FSTL4: variants seen among roughly 807,000 people sequenced by gnomAD.
FSTL4 encodes follistatin like 4.
In FSTL4, 28 loss-of-function variants were observed where a neutral mutation model predicts 78.2. That is an observed-to-expected ratio of 0.36 (90% CI 0.27 to 0.49). The LOEUF (loss-of-function observed/expected upper bound fraction) is 0.49, where lower values mean the gene tolerates loss of function less well. FSTL4 is among the 20% of genes least tolerant of loss of function. The pLI, the probability that FSTL4 is intolerant of heterozygous loss-of-function variation, is 0.98. For missense variants in FSTL4, 922 were observed against 1,084.9 expected (o/e 0.85, Z 2.11); for synonymous variants, 422 against 440.5 (o/e 0.96, Z 0.53).
At chr5:133,513,365 G>T (rs1479144841) in intron 3 of FSTL4, among the ~76,000 whole-genome samples, 1 of 152,314 alleles carries the variant, frequency 6.6e-6, no homozygotes, top group East Asian at 1.9e-4. Context: ...TGGTCACAGA[G>T]AAGAATGGTT....
intron 6 of FSTL4, among the ~76,000 whole-genome samples, chr5:133,255,716 C>T (rs1752365094): frequency 1.3e-5 from 2 of 152,206 alleles, no homozygotes; most frequent in African/African-American, 4.8e-5. Context: ...CACCTTTCTC[C>T]CTGAGTCTTG....
chr5:133,681,222 A>C, the FSTL4 span, among the ~76,000 whole-genome samples: 32 of 152,380 alleles, frequency 2.1e-4, no homozygotes, highest in East Asian at 5.6e-3. Flanking sequence ...GACCCCGGGC[A>C]GTCCTTGGCA....
chr5:133,389,832 T>C (rs956575575), intron 4 of FSTL4, among the ~76,000 whole-genome samples: 2 of 152,222 alleles, frequency 1.3e-5, no homozygotes, highest in African/African-American at 4.8e-5. Flanking sequence ...CTTGGGTTTA[T>C]TATATTTTGA....
chr5:133,685,562 C>T, the FSTL4 span, among the ~76,000 whole-genome samples: 7 of 152,322 alleles, frequency 4.6e-5, no homozygotes, highest in South Asian at 6.2e-4. Flanking sequence ...GAGGGATGCT[C>T]ACCCCTGTGG....
At chr5:133,354,987 T>C (rs2126929542) in intron 4 of FSTL4, among the ~76,000 whole-genome samples, 1 of 152,366 alleles carries the variant, frequency 6.6e-6, no homozygotes, top group East Asian at 1.9e-4. Flanking sequence ...TAATTGAGTC[T>C]AGGAAGCCCT....
the FSTL4 span, among the ~76,000 whole-genome samples, chr5:133,757,776 T>C: frequency 6.6e-6 from 1 of 152,202 alleles, no homozygotes; most frequent in East Asian, 1.9e-4. Context: ...ATCATTTGCA[T>C]GATTTCCACA....
At chr5:133,589,830 T>C (rs1210478043) in intron 2 of FSTL4, among the ~76,000 whole-genome samples, 1 of 152,194 alleles carries the variant, frequency 6.6e-6, no homozygotes, top group Non-Finnish European at 1.5e-5. Context: ...ACATGCTAGA[T>C]AGTCAGAAAG....
At chr5:133,808,054 A>AT in the FSTL4 span, among the ~76,000 whole-genome samples, 1 of 152,214 alleles carries the variant, frequency 6.6e-6, no homozygotes, top group African/African-American at 2.4e-5. Context: ...ACGACCTGCA[A>AT]TAGATCCTTG....
the FSTL4 span, among the ~76,000 whole-genome samples, chr5:133,718,321 C>T: frequency 8.5e-5 from 13 of 152,194 alleles, no homozygotes; most frequent in East Asian, 2.5e-3. Flanking sequence ...TCTCGTGATC[C>T]GCCTGCCTCG....
At chr5:133,335,209 G>A (rs1754436293) in intron 4 of FSTL4, among the ~76,000 whole-genome samples, 1 of 152,162 alleles carries the variant, frequency 6.6e-6, no homozygotes, top group Non-Finnish European at 1.5e-5. Context: ...GGTTTGTCAT[G>A]GGCCCTGACA....
At chr5:133,324,292 A>G (rs1754149577) in intron 4 of FSTL4, among the ~76,000 whole-genome samples, 1 of 152,178 alleles carries the variant, frequency 6.6e-6, no homozygotes. Flanking sequence ...CAATGTGGAA[A>G]GTGCTACACA....
At chr5:133,645,319 T>A in the FSTL4 span, among the ~76,000 whole-genome samples, 1 of 152,018 alleles carries the variant, frequency 6.6e-6, no homozygotes, top group South Asian at 2.1e-4. Flanking sequence ...CCCCAAGAGG[T>A]GTGCATGGTT....
chr5:133,408,933 T>C (rs1239179068), intron 3 of FSTL4, among the ~76,000 whole-genome samples: 3 of 152,214 alleles, frequency 2.0e-5, no homozygotes, highest in Non-Finnish European at 4.4e-5. Context: ...TTGGTTTTAC[T>C]GATTCAAGTG....
intron 4 of FSTL4, among the ~76,000 whole-genome samples, chr5:133,373,659 C>T (rs1308507084): frequency 1.3e-5 from 2 of 152,250 alleles, no homozygotes; most frequent in Non-Finnish European, 2.9e-5. Context: ...TGGGGCAGAC[C>T]CCACCAAACC....
chr5:133,829,764 A>C, the FSTL4 span, among the ~76,000 whole-genome samples: 1 of 152,168 alleles, frequency 6.6e-6, no homozygotes, highest in South Asian at 2.1e-4. Context: ...CAAAGAGGCT[A>C]TTTCTAGAGC....
the FSTL4 span, among the ~76,000 whole-genome samples, chr5:133,697,572 C>T: frequency 6.6e-6 from 1 of 152,200 alleles, no homozygotes; most frequent in Non-Finnish European, 1.5e-5. Flanking sequence ...AAACTGAAGC[C>T]CCACTTGCTA....
chr5:133,669,026 T>C, the FSTL4 span, among the ~76,000 whole-genome samples: 1 of 152,240 alleles, frequency 6.6e-6, no homozygotes, highest in South Asian at 2.1e-4. Context: ...GCAAATTTGC[T>C]ATTAGCATCA....
chr5:133,444,393 C>T (rs1161170834), intron 3 of FSTL4, among the ~76,000 whole-genome samples: 1 of 152,224 alleles, frequency 6.6e-6, no homozygotes, highest in Non-Finnish European at 1.5e-5. Flanking sequence ...CTACAGCCAC[C>T]CTGCCTGGCA....
chr5:133,832,264 T>C, the FSTL4 span, among the ~76,000 whole-genome samples: 1 of 152,250 alleles, frequency 6.6e-6, no homozygotes, highest in African/African-American at 2.4e-5. Flanking sequence ...TGTTTTTCTT[T>C]TTCTCTTTCT....
Sources: gnomAD v4.1 joint callset for allele counts (sites outside exome capture counted in the v4.1 genomes callset) on GRCh38, gnomAD v4.1.1 for gene constraint, MANE v1.5 for transcripts, NCBI Gene and HGNC (gene_info 2026-07-23, HGNC 2026-07-21) for gene names.